ARMC9: variants seen among roughly 807,000 people sequenced by gnomAD.
The protein encoded by ARMC9 is lisH domain-containing protein ARMC9.
ARMC9 carries 94 observed loss-of-function variants against 107.0 expected under a neutral mutation model. The observed-to-expected ratio is 0.88, with a 90% CI of 0.74 to 1.04. The LOEUF is 1.04. ARMC9 is among the 50% of genes least tolerant of loss of function. ARMC9 has a pLI of 0.00. For missense variants in ARMC9, 942 were observed against 1,030.1 expected (o/e 0.91, Z 1.17); for synonymous variants, 380 against 396.9 (o/e 0.96, Z 0.51).
chr2:231,270,847 T>C, intron 12 of ARMC9, 135 bp from the exon 13 acceptor site: 1 of 773,138 alleles, frequency 1.3e-6, no homozygotes. Flanking sequence ...CCAGATGAAA[T>C]GTTTGGCTTT....
chr2:231,316,156 A>ATG (rs1307502195), intron 19 of ARMC9, among the ~76,000 whole-genome samples: 2 of 116,066 alleles, frequency 1.7e-5, no homozygotes, highest in African/African-American at 4.6e-5. Flanking sequence ...ACATGTGTGT[A>ATG]TGTATGTGTG....
At chr2:231,235,469 C>G in intron 8 of ARMC9, 88 bp downstream of exon 8, 1 of 1,464,662 alleles carries the variant, frequency 6.8e-7, no homozygotes, top group Non-Finnish European at 9.1e-7. Flanking sequence ...CAGGTGGAGC[C>G]TGCCTCTCTC....
chr2:231,222,619 T>G, intron 5 of ARMC9, 109 bp from the exon 6 acceptor site: 1 of 560,318 alleles, frequency 1.8e-6, no homozygotes, highest in Non-Finnish European at 3.1e-6. Context: ...GCATTTTGGT[T>G]TTGGTTTCAA....
At chr2:231,224,563 G>C (rs948729932) in intron 6 of ARMC9, among the ~76,000 whole-genome samples, 1 of 152,234 alleles carries the variant, frequency 6.6e-6, no homozygotes, top group African/African-American at 2.4e-5. Context: ...GTAAGTGCTT[G>C]ATAACTGTTA....
At chr2:231,232,582 G>A (rs1352660873) in intron 7 of ARMC9, among the ~76,000 whole-genome samples, 1 of 151,698 alleles carries the variant, frequency 6.6e-6, no homozygotes, top group Non-Finnish European at 1.5e-5. Context: ...CTCCCAAGTA[G>A]CTGGGATTAC....
chr2:231,218,994 C>T (rs565679657), intron 5 of ARMC9, among the ~76,000 whole-genome samples: 5 of 152,168 alleles, frequency 3.3e-5, no homozygotes, highest in Admixed American at 6.5e-5. Flanking sequence ...TCAGGTGATC[C>T]GCCTGCCTCA....
intron 19 of ARMC9, among the ~76,000 whole-genome samples, chr2:231,304,237 A>C (rs539982202): frequency 8.5e-5 from 13 of 152,088 alleles, no homozygotes; most frequent in Non-Finnish European, 1.5e-4. Context: ...TAATAATAAT[A>C]ATCATTATTA....
intron 16 of ARMC9, among the ~76,000 whole-genome samples, chr2:231,279,541 C>T (rs191435766): frequency 7.5e-6 from 1 of 133,626 alleles, no homozygotes; most frequent in East Asian, 2.3e-4. Context: ...GACAGAGTCT[C>T]ACTCTATCAT....
At position 231,273,019 on chromosome 2, in the gene ARMC9, G is replaced by C; in HGVS notation, c.1275G>C (p.Glu425Asp). The change falls in exon 14 of 25, where the codon GAG becomes GAC. Residue 425 changes from glutamate (E) to aspartate (D), a missense_variant. Physicochemically the swap from Glu to Asp is conservative, Grantham distance 45 (BLOSUM62 2). Transcript: ENST00000611582. The part of the protein sequence containing the change: ...LQMLEGRLKE[E>D]DKDIITRENV... The stretch of plus-strand genomic sequence containing the variant: ...TGCTGGAGGGAAGGCTGAAGGAGGA[G>C]GACAAGGATATCATCACCAGGGAGA... 4 of 1,613,990 alleles carry C rather than the reference G, an allele frequency of 2.5e-6. No individual in the cohort carries two copies. The highest frequency in any genetic ancestry group is 3.4e-6 in the Non-Finnish European group (4 of 1,179,940).
At chr2:231,231,500 C>T (rs1016950867) in intron 7 of ARMC9, among the ~76,000 whole-genome samples, 1 of 151,944 alleles carries the variant, frequency 6.6e-6, no homozygotes, top group South Asian at 2.1e-4. Flanking sequence ...TCTAGTGCCT[C>T]GGCCACCTGA....
chr2:231,282,183 T>A (rs1213277989), intron 17 of ARMC9, 50 bp downstream of exon 17: 1 of 1,586,768 alleles, frequency 6.3e-7, no homozygotes. Context: ...GTGCCACAGT[T>A]CAGAGCTTTT....
intron 5 of ARMC9, among the ~76,000 whole-genome samples, chr2:231,218,670 C>T (rs2033788992): frequency 6.6e-6 from 1 of 151,946 alleles, no homozygotes; most frequent in Non-Finnish European, 1.5e-5. Flanking sequence ...CATTTTATTC[C>T]ATTTTTTTCT....
intron 17 of ARMC9, among the ~76,000 whole-genome samples, chr2:231,284,138 T>C (rs1473603699): frequency 1.3e-5 from 2 of 152,214 alleles, no homozygotes; most frequent in African/African-American, 4.8e-5. Context: ...GTACCTTACC[T>C]ATGTTTAGAG....
chr2:231,277,526 A>G (rs1197271993), intron 15 of ARMC9, among the ~76,000 whole-genome samples: 3 of 138,150 alleles, frequency 2.2e-5, no homozygotes, highest in African/African-American at 9.4e-5. Context: ...CTGTTATTTC[A>G]GTCATTTAAA....
chr2:231,239,452 A>G (rs2036079380), intron 8 of ARMC9, among the ~76,000 whole-genome samples: 1 of 152,194 alleles, frequency 6.6e-6, no homozygotes, highest in Non-Finnish European at 1.5e-5. Context: ...GTCATGTGCT[A>G]GGCATATCTG....
chr2:231,370,972 G>A (rs2045997246), intron 24 of ARMC9: 4 of 441,348 alleles, frequency 9.1e-6, no homozygotes, highest in Non-Finnish European at 1.4e-5. Flanking sequence ...CTGGGGACAC[G>A]CTGGGTTGGA....
chr2:231,251,511 G>A (rs1160757128), intron 9 of ARMC9, among the ~76,000 whole-genome samples: 3 of 152,164 alleles, frequency 2.0e-5, no homozygotes, highest in Admixed American at 6.5e-5. Context: ...TGTGAGGTAG[G>A]TACTGCTGGT....
intron 21 of ARMC9, among the ~76,000 whole-genome samples, chr2:231,351,021 C>T (rs1240517536): frequency 1.6e-5 from 2 of 123,308 alleles, no homozygotes; most frequent in African/African-American, 3.3e-5. Flanking sequence ...TGCAGTGGCA[C>T]GATCTCGGCT....
At position 231,347,468 on chromosome 2, in the gene ARMC9, G is replaced by C. The variant is rs79720014; in HGVS notation, c.1994+2378G>C. The stretch of plus-strand genomic sequence containing the variant: ...CTCCCCAGCTACACTGGGTACTCCA[G>C]ACGGGCTACACGATGCTGATGTGCA... On this transcript the variant is annotated intron_variant, in intron 21 of 24. Transcript: ENST00000611582. Among the ~76,000 whole-genome samples the C allele has an allele frequency of 5.9e-5, 9 of 152,128 alleles. No homozygotes were observed. The South Asian group carries it at 1.2e-3, about 21-fold the overall frequency.
Sources: gnomAD v4.1 joint callset for allele counts (sites outside exome capture counted in the v4.1 genomes callset) on GRCh38, gnomAD v4.1.1 for gene constraint, MANE v1.5 for transcripts, NCBI Gene and HGNC (gene_info 2026-07-23, HGNC 2026-07-21) for gene names.